Variants in PKD1 observed in about 807,000 individuals in gnomAD.
PKD1 encodes polycystin-1.
PKD1 carries 81 observed loss-of-function variants against 361.7 expected under a neutral mutation model. The observed-to-expected ratio is 0.22, with a 90% CI of 0.19 to 0.27. The LOEUF is 0.27. Among genes scored for constraint, PKD1 ranks in the 10% least tolerant of loss-of-function variants. The pLI is 1.00. For synonymous variants in PKD1, 3,615 were observed against 2,818.3 expected, an observed-to-expected ratio of 1.28 and a Z score of -8.95; for missense variants, 6,399 against 6,118.3, an observed-to-expected ratio of 1.05 and a Z score of -1.53.
chr16:2,108,571 C>T lies in PKD1; in HGVS notation c.6596G>A (p.Gly2199Glu). Residue 2199 changes from glycine (G) to glutamate (E), a missense_variant, in exon 15 of 46, where the codon GGG becomes GAG. Transcript: ENST00000262304. ...GGGCAGGGCCACACGCGCTGGGCGC[C>T]CCGGCCGCTGGCAGCTGGCGGTGCG... ...VYRTASCQRP[G>E]RPARVALPGV... 3.8e-6 allele frequency: 6 copies of T among 1,568,110 alleles called. No homozygotes were observed. The highest frequency in any genetic ancestry group is 5.2e-6 in the Non-Finnish European group (6 of 1,156,712).
chr16:2,118,176 G>T lies in PKD1; in HGVS notation c.816C>A (p.Ser272=), dbSNP rs1360041041. ...GGGGCCCCACCAGGGTGGCCCCTGG[G>T]GAGGCAGGGAAGACGTGCTGGAGGA... ...PTLLQHVFPA[S]PGATLVGPHG... The change falls in exon 5 of 46, where the codon TCC becomes TCA. Residue 272 remains serine, a synonymous_variant. Transcript: ENST00000262304. The surrounding 1 kb of genome is among the most constrained non-coding windows in gnomAD (Gnocchi z 6.0). 1.3e-5 allele frequency: 21 copies of T among 1,562,050 alleles called. No individual in the cohort carries two copies. The highest frequency in any genetic ancestry group is 1.8e-5 in the Non-Finnish European group (21 of 1,156,478).
In PKD1 at chr16:2,088,865, TCG is replaced by T; in HGVS notation, c.*860_*861del. 1 of 526,582 alleles carries T rather than the reference TCG, an allele frequency of 1.9e-6. No homozygotes were observed. The highest frequency in any genetic ancestry group is 3.3e-6 in the Non-Finnish European group (1 of 300,666). 32.6% of individuals were successfully genotyped at this position (526,582 alleles called of 1,614,324 possible). ...AGGCTGCCTGGGCCATACAGCACAC[TCG>T]CGCGTGCGCGCGCGCACACACACAC... is the stretch of plus-strand genomic sequence containing the variant. On this transcript the variant is annotated 3_prime_UTR_variant, in exon 46 of 46. Transcript: ENST00000262304.
chr16:2,097,046 G>GC, intron 34 of PKD1, 102 bp downstream of exon 34: 1 of 754,824 alleles, frequency 1.3e-6, no homozygotes, highest in East Asian at 2.7e-5. Flanking sequence ...CCCTGCCCTG[G>GC]CACCCCACCC....
rs1239613149 is a variant in PKD1 at position 2,114,869 on chromosome 16, C to T, written c.2154G>A (p.Gln718=). 25 of 1,518,278 alleles carry T rather than the reference C, an allele frequency of 1.6e-5. 1 individual carries two copies. The highest frequency in any genetic ancestry group is 1.9e-5 in the Non-Finnish European group (21 of 1,132,074). The allele number at this position is 1,518,278 out of a possible 1,614,324, so 94.1% of individuals were successfully genotyped here. The change falls in exon 11 of 46, where the codon CAG becomes CAA. Residue 718 remains glutamine, a synonymous_variant. Transcript: ENST00000262304. ...LMLPGDLVGL[Q]HDAGPGALLH... ...GGAGGGCGCCAGGGCCAGCGTCGTG[C>T]TGCAAGCCAACGAGGTCACCAGGGA...
In PKD1 at chr16:2,114,328, G is replaced by A. The variant is rs754346831; in HGVS notation, c.2695C>T (p.Leu899=). ...TGCTCCCCCTCACTGAGCCACGGCAGTGCTACCACTGAGAACAGGGTATCG... is the reference window on the plus strand; with the variant it reads ...TGCTCCCCCTCACTGAGCCACGGCAATGCTACCACTGAGAACAGGGTATCG... ...TNDTLFSVVA[L]PWLSEGEHVV... The change falls in exon 11 of 46, where the codon CTG becomes TTG. Residue 899 remains leucine (L), a synonymous_variant. Transcript: ENST00000262304. 5.6e-6 allele frequency: 9 copies of A among 1,610,550 alleles called. No homozygotes were observed. Among genetic ancestry groups the A allele is most frequent in the Non-Finnish European group, 6.8e-6 (8 of 1,179,690 alleles).
At chr16:2,104,874 A>G (rs2092274272) in intron 21 of PKD1, among the ~76,000 whole-genome samples, 1 of 47,160 alleles carries the variant, frequency 2.1e-5, no homozygotes, top group Non-Finnish European at 4.3e-5. Context: ...GCACCTCTTC[A>G]CATGAGAGCG....
chr16:2,132,188 T>G (rs2092890771), intron 1 of PKD1, among the ~76,000 whole-genome samples: 1 of 150,174 alleles, frequency 6.7e-6, no homozygotes, highest in Non-Finnish European at 1.5e-5. Context: ...AGGCGGAGGT[T>G]GCCGTGAGGT....
At position 2,089,368 on chromosome 16, in the gene PKD1, G is replaced by A. The variant is rs1368587863; in HGVS notation, c.*359C>T. 2 of 390,932 alleles carry A rather than the reference G, an allele frequency of 5.1e-6. No individual in the cohort carries two copies. Among genetic ancestry groups the A allele is most frequent in the Non-Finnish European group, 9.4e-6 (2 of 212,634 alleles). 24.2% of individuals were successfully genotyped at this position (390,932 alleles called of 1,614,324 possible). On this transcript the variant is annotated 3_prime_UTR_variant, in exon 46 of 46. Coordinates refer to ENST00000262304, the MANE Select transcript of PKD1 (RefSeq NM_001009944.3). ...TTAGGGGCAGGGTGGCGGCGGTGCA[G>A]GCTAACCCTCCCTGAAGCCAGCAGC...
intron 1 of PKD1, among the ~76,000 whole-genome samples, chr16:2,127,226 G>A (rs546502643): frequency 1.3e-5 from 2 of 152,360 alleles, no homozygotes; most frequent in East Asian, 3.9e-4. Context: ...CTCAGGCAGT[G>A]CCACTCGCCA....
rs369171457 is a variant in PKD1, at chr16:2,090,267, C to A, written c.12444+18G>T. The A allele has an allele frequency of 2.6e-5, 42 of 1,608,736 alleles. No individual in the cohort carries two copies. Among genetic ancestry groups the A allele is most frequent in the Middle Eastern group, 3.3e-4 (2 of 6,048 alleles). On this transcript the variant is annotated intron_variant, in intron 45 of 45. Coordinates refer to ENST00000262304, the MANE Select transcript of PKD1 (RefSeq NM_001009944.3). ...AGCCCAGGGCGTGTCCCTCTCCCCC[C>A]CACTGGGCCGTACCCACCTCCTTGA...
rs528213425 is a variant in PKD1 at position 2,090,930 on chromosome 16, G to A, written c.11957C>T (p.Ala3986Val). The A allele has an allele frequency of 7.6e-5, 120 of 1,578,412 alleles. No homozygotes were observed. The highest frequency in any genetic ancestry group is 8.8e-5 in the Non-Finnish European group (103 of 1,169,084). The change falls in exon 43 of 46, where the codon GCA (alanine) becomes GTA (valine). Residue 3986 changes from alanine to valine, a missense_variant. Coordinates refer to ENST00000262304, the MANE Select transcript of PKD1 (RefSeq NM_001009944.3). ...CAGCGAGGCCGCCAGGCCACGGGCT[G>A]CGGAGCTCAGCTGCGCCACCTGGTC... ...SFDQVAQLSSAARGLAASLLF... is the reference protein window; with the variant it reads ...SFDQVAQLSSVARGLAASLLF...
chr16:2,105,275 G>A (rs747337531), intron 21 of PKD1, 47 bp downstream of exon 21: 108 of 1,586,094 alleles, frequency 6.8e-5, no homozygotes, highest in Non-Finnish European at 8.6e-5. Context: ...TGAACCCAGT[G>A]CCCTGGCAGG....
At position 2,115,745 on chromosome 16, in the gene PKD1, G is replaced by A. The variant is rs944242659; in HGVS notation, c.1850-120C>T. The A allele has an allele frequency of 5.4e-5, 58 of 1,071,068 alleles. 1 individual carries two copies. The African/African-American group carries it at 8.4e-4, about 16-fold the overall frequency. 66.3% of individuals were successfully genotyped at this position (1,071,068 alleles called of 1,614,324 possible). On this transcript the variant is annotated intron_variant, in intron 9 of 45. Coordinates refer to ENST00000262304, the MANE Select transcript of PKD1 (RefSeq NM_001009944.3). Reference sequence around the variant, plus strand: ...GAGGACAGGTCTCCCCACCTGGGCAGCACTCCCAGCCCAGTGCTGCGTCCG... The same window carrying A: ...GAGGACAGGTCTCCCCACCTGGGCAACACTCCCAGCCCAGTGCTGCGTCCG...
chr16:2,131,822 C>CAAACA (rs1343374613), intron 1 of PKD1: 2 of 152,010 alleles, frequency 1.3e-5, no homozygotes, highest in Non-Finnish European at 2.9e-5. Context: ...GACTCCGTCT[C>CAAACA]AAACAAAACA....
Position 2,089,562 on chromosome 16 carries a change from C to T in PKD1, c.*165G>A. On this transcript the variant is annotated 3_prime_UTR_variant, in exon 46 of 46. Transcript: ENST00000262304. ...CCCTGGGTCCTGGTTGGCCACACAGCCTCTTTAAAGTGCTGAAGCCCACAG... is the reference window on the plus strand; with the variant it reads ...CCCTGGGTCCTGGTTGGCCACACAGTCTCTTTAAAGTGCTGAAGCCCACAG... 1.2e-5 allele frequency: 10 copies of T among 855,154 alleles called. No individual in the cohort carries two copies. Among genetic ancestry groups the T allele is most frequent in the East Asian group, 2.7e-5 (1 of 37,282 alleles). 53.0% of individuals were successfully genotyped at this position (855,154 alleles called of 1,614,324 possible).
Position 2,103,248 on chromosome 16 carries a change from C to T in PKD1, c.8791+18G>A. On this transcript the variant is annotated intron_variant, in intron 23 of 45. Coordinates refer to ENST00000262304, the MANE Select transcript of PKD1 (RefSeq NM_001009944.3). ...AACAAGGCCAGGGGGCCGCGTGTGCCCCACCCGCTGCACGCACCGTCCAGC... is the reference window on the plus strand; with the variant it reads ...AACAAGGCCAGGGGGCCGCGTGTGCTCCACCCGCTGCACGCACCGTCCAGC... 3 of 1,608,870 alleles carry T rather than the reference C, an allele frequency of 1.9e-6. No individual in the cohort carries two copies. The highest frequency in any genetic ancestry group is 2.5e-6 in the Non-Finnish European group (3 of 1,179,092).
chr16:2,130,206 C>G (rs550102397), intron 1 of PKD1, among the ~76,000 whole-genome samples: 27 of 152,362 alleles, frequency 1.8e-4, no homozygotes, highest in African/African-American at 6.0e-4. Context: ...GCTCAGGGAC[C>G]CCGGGTGAGG....
In PKD1 at chr16:2,102,739, A is replaced by G. The variant is rs2092148421; in HGVS notation, c.8948+75T>C. 4 of 1,604,088 alleles carry G rather than the reference A, an allele frequency of 2.5e-6. No homozygotes were observed. In the Admixed American group the frequency reaches 5.0e-5, roughly 20 times the overall value. ...AGTCCCCTCGCTGCCTGCCGTCCCCATGGGGCCAGTAACCCAGGCAATGCT... is the reference window on the plus strand; with the variant it reads ...AGTCCCCTCGCTGCCTGCCGTCCCCGTGGGGCCAGTAACCCAGGCAATGCT... On this transcript the variant is annotated intron_variant, in intron 24 of 45. Coordinates refer to ENST00000262304, the MANE Select transcript of PKD1 (RefSeq NM_001009944.3).
chr16:2,090,596 G>A lies in PKD1; in HGVS notation c.12139-6C>T, dbSNP rs1223004713. 8.1e-6 allele frequency: 13 copies of A among 1,608,352 alleles called. No individual in the cohort carries two copies. The African/African-American group carries it at 9.3e-5, about 12-fold the overall frequency. On this transcript the variant is annotated splice_region_variant and splice_polypyrimidine_tract_variant and intron_variant, in intron 44 of 45. Coordinates refer to ENST00000262304, the MANE Select transcript of PKD1 (RefSeq NM_001009944.3). ...TCCACACAGGAAGACACGAGCTGCG[G>A]GGAAGGCGACACCAGTGAGGGCGTA...
Sources: allele counts gnomAD v4.1 joint callset (sites outside exome capture counted in the v4.1 genomes callset), GRCh38; gene constraint gnomAD v4.1.1; non-coding constraint Gnocchi (gnomAD v3.1); transcripts MANE v1.5; gene names NCBI Gene and HGNC (gene_info 2026-07-23, HGNC 2026-07-21).